Variants in KYNU observed in about 807,000 individuals in gnomAD.
KYNU encodes the protein kynureninase, also known as L-kynurenine hydrolase.
In KYNU, 54 loss-of-function variants were observed where a neutral mutation model predicts 59.2. That is an observed-to-expected ratio of 0.91 (90% CI 0.73 to 1.14). KYNU has a LOEUF of 1.14. KYNU is among the 50% of genes most tolerant of loss of function. The probability of loss-of-function intolerance (pLI) is 0.00; values close to 1 mark genes in which losing one functional copy is unlikely to be tolerated. For synonymous variants in KYNU, 177 were observed against 192.0 expected (o/e 0.92, Z 0.65); for missense variants, 567 against 554.4 (o/e 1.02, Z -0.23).
chr2:143,002,807 C>A (rs535475149), intron 10 of KYNU, among the ~76,000 whole-genome samples: 5 of 152,042 alleles, frequency 3.3e-5, no homozygotes, highest in African/African-American at 1.2e-4. Flanking sequence ...AATCAGTTTC[C>A]ACAGAAAACA....
chr2:142,989,223 T>G (rs1685318089), intron 10 of KYNU: 1 of 333,800 alleles, frequency 3.0e-6, no homozygotes, highest in South Asian at 4.6e-5. Context: ...TTAGAGTCTG[T>G]ATGACTACTG....
At chr2:142,952,167 C>T (rs562529299) in intron 4 of KYNU, among the ~76,000 whole-genome samples, 9 of 152,138 alleles carry the variant, frequency 5.9e-5, no homozygotes, top group Middle Eastern at 3.4e-3. Flanking sequence ...CGCCACCTTC[C>T]CCAGGCTCAA....
At chr2:142,979,081 A>G (rs72849133) in intron 8 of KYNU, among the ~76,000 whole-genome samples, 4,961 of 152,242 alleles carry the variant, frequency 0.033, 122 homozygotes, top group Non-Finnish European at 0.055. Context: ...CCTATGTATC[A>G]TATTATTTCA....
At chr2:142,913,762 T>C (rs1399286385) in intron 2 of KYNU, among the ~76,000 whole-genome samples, 1 of 152,244 alleles carries the variant, frequency 6.6e-6, no homozygotes, top group Non-Finnish European at 1.5e-5. Context: ...GTTTTCTGAC[T>C]TGATGATCTG....
chr2:143,003,589 A>G (rs1685776565), intron 10 of KYNU, among the ~76,000 whole-genome samples: 1 of 152,164 alleles, frequency 6.6e-6, no homozygotes, highest in Admixed American at 6.5e-5. Flanking sequence ...CTGAAAACAA[A>G]CAAACAAACA....
chr2:142,952,246 T>C (rs940782922), intron 4 of KYNU, among the ~76,000 whole-genome samples: 3 of 152,098 alleles, frequency 2.0e-5, no homozygotes, highest in Non-Finnish European at 4.4e-5. Flanking sequence ...CAGCTGTTTT[T>C]TGTATTTTTA....
chr2:142,998,708 C>G (rs1685617421), intron 10 of KYNU, among the ~76,000 whole-genome samples: 1 of 151,942 alleles, frequency 6.6e-6, no homozygotes, highest in Non-Finnish European at 1.5e-5. Flanking sequence ...ATTGTATATA[C>G]TAAAAAGAAT....
At chr2:142,947,973 T>G (rs1399196234) in intron 4 of KYNU, 2 of 152,218 alleles carry the variant, frequency 1.3e-5, no homozygotes, top group Non-Finnish European at 2.9e-5. Flanking sequence ...GGGTGCCTCT[T>G]TATTTACAAA....
chr2:142,946,514 CA>C (rs1222563515), intron 4 of KYNU, among the ~76,000 whole-genome samples: 1 of 152,176 alleles, frequency 6.6e-6, no homozygotes, highest in African/African-American at 2.4e-5. Context: ...CGACTATGTG[CA>C]TTGTCAATAA....
At chr2:142,996,064 C>T (rs1382992122) in intron 10 of KYNU, among the ~76,000 whole-genome samples, 3 of 152,080 alleles carry the variant, frequency 2.0e-5, no homozygotes, top group African/African-American at 7.2e-5. Flanking sequence ...TAATGCCCTA[C>T]CGTGGGAATA....
At chr2:142,890,883 A>T (rs1681689412) in intron 2 of KYNU, among the ~76,000 whole-genome samples, 1 of 151,812 alleles carries the variant, frequency 6.6e-6, no homozygotes, top group South Asian at 2.1e-4. Context: ...GTTTTCATAA[A>T]CTCCTTGGTC....
chr2:142,947,438 A>T (rs1319163158), intron 4 of KYNU: 1 of 481,998 alleles, frequency 2.1e-6, no homozygotes, highest in Non-Finnish European at 3.6e-6. Context: ...TTCCCTGGAT[A>T]TTGCTGTTTC....
At chr2:143,011,263 G>A (rs1270309686) in intron 10 of KYNU, among the ~76,000 whole-genome samples, 1 of 130,670 alleles carries the variant, frequency 7.7e-6, no homozygotes, top group African/African-American at 3.3e-5. Context: ...GACATGAACA[G>A]ACACTTCTCA....
chr2:142,921,568 G>C (rs1311432021), intron 3 of KYNU, among the ~76,000 whole-genome samples: 2 of 152,122 alleles, frequency 1.3e-5, no homozygotes, highest in Non-Finnish European at 2.9e-5. Flanking sequence ...AGCACTTTGG[G>C]AGGCTGAGGC....
chr2:142,938,685 A>G (rs964959921), intron 4 of KYNU, among the ~76,000 whole-genome samples: 2 of 152,222 alleles, frequency 1.3e-5, no homozygotes, highest in Admixed American at 1.3e-4. Context: ...ACTCATGTTT[A>G]TTATACCCAA....
chr2:143,020,214 G>GT (rs1353138567), intron 10 of KYNU, among the ~76,000 whole-genome samples: 1 of 151,818 alleles, frequency 6.6e-6, no homozygotes, highest in Non-Finnish European at 1.5e-5. Context: ...GCATCATTAG[G>GT]TTTTTTGTTT....
chr2:143,038,030 T>A (rs982388977), intron 12 of KYNU, among the ~76,000 whole-genome samples: 2 of 152,108 alleles, frequency 1.3e-5, no homozygotes, highest in Non-Finnish European at 2.9e-5. Context: ...ACCAAAAAAA[T>A]TGGTTTCTAG....
At chr2:143,036,036 C>A (rs912288470) in intron 12 of KYNU, among the ~76,000 whole-genome samples, 10 of 151,934 alleles carry the variant, frequency 6.6e-5, no homozygotes, top group African/African-American at 2.4e-4. Context: ...GCTAAGACTA[C>A]AGGGCATGCC....
At chr2:142,963,514 G>A (rs1356963005) in intron 8 of KYNU, among the ~76,000 whole-genome samples, 1 of 152,106 alleles carries the variant, frequency 6.6e-6, no homozygotes, top group Non-Finnish European at 1.5e-5. Flanking sequence ...ATGGCAGAAG[G>A]GCTAAGGGAG....
Sources: allele counts gnomAD v4.1 joint callset (sites outside exome capture counted in the v4.1 genomes callset), GRCh38; gene constraint gnomAD v4.1.1; transcripts MANE v1.5; gene names NCBI Gene and HGNC (gene_info 2026-07-23, HGNC 2026-07-21).